The following PRKCA variants were observed in gnomAD, a reference collection of about 807,000 sequenced individuals.
The protein encoded by PRKCA is protein kinase C alpha type.
PRKCA carries 27 observed loss-of-function variants against 87.0 expected under a neutral mutation model. That is an observed-to-expected ratio of 0.31 (90% CI 0.23 to 0.43). The LOEUF is 0.43. Ranked by LOEUF, PRKCA falls within the 20% of genes least tolerant of loss-of-function variation. PRKCA has a pLI of 1.00. For synonymous variants in PRKCA, 329 were observed against 311.1 expected (o/e 1.06, Z -0.61); for missense variants, 518 against 852.3 (o/e 0.61, Z 4.88).
chr17:66,348,199 C>G, intron 2 of PRKCA, among the ~76,000 whole-genome samples: 1 of 152,018 alleles, frequency 6.6e-6, no homozygotes, highest in Non-Finnish European at 1.5e-5. Flanking sequence ...GCCTTGGCCT[C>G]GTAAAGTGCT....
chr17:66,564,020 CTCTT>C (rs547337852), intron 3 of PRKCA, among the ~76,000 whole-genome samples: 7,757 of 142,616 alleles, frequency 0.054, 282 homozygotes, highest in Non-Finnish European at 0.077. Flanking sequence ...CTTTCTCTCT[CTCTT>C]TCTTTCTTCC....
At chr17:66,335,252 G>A (rs148875038) in intron 2 of PRKCA, among the ~76,000 whole-genome samples, 15 of 152,062 alleles carry the variant, frequency 9.9e-5, no homozygotes, top group East Asian at 9.7e-4. Context: ...CTCAGCCTCC[G>A]TAATAGCTGA....
intron 16 of PRKCA, among the ~76,000 whole-genome samples, chr17:66,789,414 G>A (rs890699909): frequency 2.0e-5 from 3 of 152,200 alleles, no homozygotes; most frequent in African/African-American, 4.8e-5. Flanking sequence ...GCACAACCCC[G>A]TCCTAGCCAG....
chr17:66,386,582 C>T (rs533204348), intron 2 of PRKCA, among the ~76,000 whole-genome samples: 12 of 152,308 alleles, frequency 7.9e-5, no homozygotes, highest in African/African-American at 2.6e-4. Flanking sequence ...GCCTGGGACA[C>T]AGTGAGTGAT....
chr17:66,337,176 A>G (rs1244607118), intron 2 of PRKCA, among the ~76,000 whole-genome samples: 1 of 151,774 alleles, frequency 6.6e-6, no homozygotes, highest in Non-Finnish European at 1.5e-5. Flanking sequence ...TCTTGGGAGG[A>G]AGATAGGAAG....
chr17:66,668,290 G>A (rs1972091242), intron 5 of PRKCA, among the ~76,000 whole-genome samples: 1 of 152,224 alleles, frequency 6.6e-6, no homozygotes, highest in Admixed American at 6.5e-5. Context: ...AAGGGCTGTT[G>A]TTGGTGAGTT....
intron 3 of PRKCA, among the ~76,000 whole-genome samples, chr17:66,558,213 C>T (rs907069982): frequency 1.3e-5 from 2 of 152,240 alleles, no homozygotes; most frequent in Non-Finnish European, 2.9e-5. Context: ...TTTATGGCTA[C>T]GTGCTAGGTA....
chr17:66,759,231 C>T (rs1370293398), intron 13 of PRKCA, among the ~76,000 whole-genome samples: 5 of 151,880 alleles, frequency 3.3e-5, no homozygotes, highest in African/African-American at 4.8e-5. Context: ...TGGCGGGCAC[C>T]TGTAGTCCCA....
chr17:66,335,038 T>G (rs72843895), intron 2 of PRKCA, among the ~76,000 whole-genome samples: 47,702 of 152,108 alleles, frequency 0.31, 8,671 homozygotes, highest in Middle Eastern at 0.53. Context: ...ACATGAGTTA[T>G]ACATTTCATG....
chr17:66,410,949 C>T (rs1911758472), intron 2 of PRKCA, among the ~76,000 whole-genome samples: 3 of 152,144 alleles, frequency 2.0e-5, no homozygotes. Flanking sequence ...CAGGAGTTTG[C>T]TTTTGCTTTG....
intron 2 of PRKCA, among the ~76,000 whole-genome samples, chr17:66,479,539 A>G (rs1915683746): frequency 6.6e-6 from 1 of 152,214 alleles, no homozygotes; most frequent in Admixed American, 6.5e-5. Context: ...GTTCTGTTAT[A>G]AAGACACATG....
chr17:66,676,711 A>G (rs1172228246), intron 5 of PRKCA: 1 of 152,280 alleles, frequency 6.6e-6, no homozygotes, highest in African/African-American at 2.4e-5. Flanking sequence ...GCTGTGAGTC[A>G]TGTTTGTCCA....
chr17:66,544,874 T>G (rs1248540293), intron 3 of PRKCA, among the ~76,000 whole-genome samples: 1 of 152,150 alleles, frequency 6.6e-6, no homozygotes, highest in Non-Finnish European at 1.5e-5. Context: ...ATTACAGGCA[T>G]GAGCCACCAT....
At chr17:66,504,589 C>T (rs1274865925) in intron 3 of PRKCA, among the ~76,000 whole-genome samples, 2 of 149,690 alleles carry the variant, frequency 1.3e-5, no homozygotes, top group South Asian at 2.1e-4. Flanking sequence ...TGAAACTCTG[C>T]CTCAAAAAAG....
intron 11 of PRKCA, 98 bp downstream of exon 11, chr17:66,738,953 C>A: frequency 2.1e-6 from 2 of 935,970 alleles, no homozygotes; most frequent in Non-Finnish European, 1.7e-6. Flanking sequence ...GGGTCTCACT[C>A]TGTCACTCAG....
At chr17:66,641,594 A>G in intron 4 of PRKCA, 128 bp downstream of exon 4, 3 of 512,130 alleles carry the variant, frequency 5.9e-6, no homozygotes, top group South Asian at 4.2e-5. Context: ...TCAGATATCT[A>G]CCAGACTGAC....
chr17:66,505,397 G>A (rs1019678038), intron 3 of PRKCA, among the ~76,000 whole-genome samples: 2 of 152,108 alleles, frequency 1.3e-5, no homozygotes, highest in African/African-American at 4.8e-5. Flanking sequence ...AATGCGCGAC[G>A]TAATTACAAA....
intron 16 of PRKCA, among the ~76,000 whole-genome samples, chr17:66,801,502 T>C (rs113515254): frequency 1.3e-5 from 2 of 152,242 alleles, no homozygotes; most frequent in African/African-American, 4.8e-5. Flanking sequence ...GGTTTCTGTT[T>C]GTTTAACTGA....
intron 3 of PRKCA, among the ~76,000 whole-genome samples, chr17:66,562,129 TA>T (rs1268688350): frequency 2.6e-4 from 9 of 34,936 alleles, no homozygotes; most frequent in Non-Finnish European, 4.2e-4. Context: ...TAAATATATA[TA>T]ATTAAATTAT....
Sources: allele counts gnomAD v4.1 joint callset (sites outside exome capture counted in the v4.1 genomes callset), GRCh38; gene constraint gnomAD v4.1.1; transcripts MANE v1.5; gene names NCBI Gene and HGNC (gene_info 2026-07-23, HGNC 2026-07-21).